Variants in NOSTRIN observed in about 807,000 individuals in gnomAD.
NOSTRIN encodes the protein BM247 homolog.
NOSTRIN carries 63 observed loss-of-function variants against 59.0 expected under a neutral mutation model. The ratio of observed to expected loss-of-function variants is 1.07; its 90% CI spans 0.87 to 1.32. The LOEUF is 1.32. Among genes scored for constraint, NOSTRIN ranks in the 40% most tolerant of loss-of-function variants. NOSTRIN has a pLI of 0.00. For missense variants in NOSTRIN, 512 were observed against 473.1 expected, an observed-to-expected ratio of 1.08 and a Z score of -0.76; for synonymous variants, 200 against 165.4, an observed-to-expected ratio of 1.21 and a Z score of -1.61.
intron 2 of NOSTRIN, among the ~76,000 whole-genome samples, chr2:168,792,512 C>T (rs1211557257): frequency 2.0e-5 from 3 of 152,010 alleles, no homozygotes; most frequent in East Asian, 1.9e-4. Context: ...TGCAGTGGTG[C>T]GATCTTGACT....
intron 10 of NOSTRIN, among the ~76,000 whole-genome samples, chr2:168,853,104 C>T (rs1342327093): frequency 6.6e-6 from 1 of 152,162 alleles, no homozygotes; most frequent in Non-Finnish European, 1.5e-5. Context: ...CATTTATTGG[C>T]ATGTTCAGGG....
chr2:168,789,030 TC>T (rs1685278323), intron 2 of NOSTRIN, among the ~76,000 whole-genome samples: 1 of 152,146 alleles, frequency 6.6e-6, no homozygotes, highest in Non-Finnish European at 1.5e-5. Flanking sequence ...GGTCTTGGTT[TC>T]TAAATCCATC....
chr2:168,856,561 C>CAA, intron 11 of NOSTRIN, 129 bp from the exon 12 acceptor site: 1 of 716,022 alleles, frequency 1.4e-6, no homozygotes, highest in South Asian at 1.8e-5. Context: ...GGTGACAGAG[C>CAA]AAGACTCCGT....
upstream of NOSTRIN, chr2:168,801,075 G>C (rs1421285757): frequency 6.6e-6 from 1 of 151,754 alleles, no homozygotes; most frequent in Non-Finnish European, 1.5e-5. Flanking sequence ...GAGTTGCTTT[G>C]TCTAATTCTA....
intron 15 of NOSTRIN, chr2:168,863,519 A>G (rs1334439824): frequency 1.0e-6 from 1 of 985,274 alleles, no homozygotes; most frequent in Non-Finnish European, 1.2e-6. Flanking sequence ...GACAAGAGCC[A>G]TGTTTCTTGT....
At chr2:168,789,487 C>A (rs1685290822) in intron 2 of NOSTRIN, among the ~76,000 whole-genome samples, 1 of 152,198 alleles carries the variant, frequency 6.6e-6, no homozygotes, top group Non-Finnish European at 1.5e-5. Context: ...GCACAAGAAG[C>A]ACCTGCCCCA....
chr2:168,835,189 C>G (rs1687646910), intron 7 of NOSTRIN, among the ~76,000 whole-genome samples: 1 of 152,142 alleles, frequency 6.6e-6, no homozygotes, highest in South Asian at 2.1e-4. Context: ...ATTATCCCAC[C>G]CCAGCCTCCC....
chr2:168,815,312 TAGC>T (rs768904070), intron 2 of NOSTRIN, among the ~76,000 whole-genome samples: 1 of 152,220 alleles, frequency 6.6e-6, no homozygotes, highest in Non-Finnish European at 1.5e-5. Context: ...CAGAGAAACA[TAGC>T]AGCTCCTAGA....
intron 2 of NOSTRIN, among the ~76,000 whole-genome samples, chr2:168,820,360 A>G (rs1212448540): frequency 6.6e-6 from 1 of 152,142 alleles, no homozygotes; most frequent in Non-Finnish European, 1.5e-5. Flanking sequence ...TATACCTATA[A>G]CACCCAGAAT....
intron 3 of NOSTRIN, among the ~76,000 whole-genome samples, chr2:168,826,869 C>G (rs1047424128): frequency 1.3e-5 from 2 of 152,160 alleles, no homozygotes; most frequent in Admixed American, 1.3e-4. Context: ...ATTTATCATG[C>G]CTGTTTGCAC....
rs546538793 is a variant in NOSTRIN, at chr2:168,861,351, T to TTCAG, written c.1294+446_1294+449dup. ...AAACTCCTGTTAGCAGCCATCTGAC[T>TTCAG]TCAGTCATTCATGCACCCACACACC... On this transcript the variant is annotated intron_variant, in intron 14 of 15. Transcript: ENST00000317647. Among the ~76,000 whole-genome samples the TTCAG allele has an allele frequency of 8.5e-5, 13 of 152,248 alleles. No individual in the cohort carries two copies. The South Asian group carries it at 2.7e-3, about 32-fold the overall frequency.
At chr2:168,811,117 A>T (rs1230241446) in intron 1 of NOSTRIN, among the ~76,000 whole-genome samples, 5 of 152,178 alleles carry the variant, frequency 3.3e-5, no homozygotes, top group Admixed American at 6.5e-5. Context: ...ACAGTTTCAT[A>T]TCTCAGACAA....
At chr2:168,816,141 A>G (rs1383568417) in intron 2 of NOSTRIN, among the ~76,000 whole-genome samples, 1 of 152,180 alleles carries the variant, frequency 6.6e-6, no homozygotes, top group Non-Finnish European at 1.5e-5. Context: ...GGAGGCAGAA[A>G]TCTAATCCAC....
chr2:168,798,878 A>C (rs1214152566), upstream of NOSTRIN, among the ~76,000 whole-genome samples: 3 of 152,200 alleles, frequency 2.0e-5, no homozygotes, highest in Non-Finnish European at 4.4e-5. Flanking sequence ...AAAATGGCTT[A>C]GAGCAGTCTG....
intron 2 of NOSTRIN, among the ~76,000 whole-genome samples, chr2:168,813,614 A>AT (rs1398817428): frequency 1.8e-4 from 27 of 152,170 alleles, no homozygotes; most frequent in Admixed American, 5.9e-4. Context: ...TTCTAGAGTG[A>AT]CAAACATATC....
At chr2:168,847,426 C>T (rs1156919893) in intron 8 of NOSTRIN, among the ~76,000 whole-genome samples, 1 of 152,130 alleles carries the variant, frequency 6.6e-6, no homozygotes, top group Non-Finnish European at 1.5e-5. Context: ...CAATCAGAGC[C>T]TCTGAATGAT....
chr2:168,831,726 T>A (rs1485869748), intron 6 of NOSTRIN, among the ~76,000 whole-genome samples, 192 bp downstream of exon 6: 3 of 152,244 alleles, frequency 2.0e-5, no homozygotes, highest in Non-Finnish European at 2.9e-5. Flanking sequence ...GCTCTAACTA[T>A]GATTATTTAG....
At chr2:168,818,328 C>T in intron 2 of NOSTRIN, 2 of 276,106 alleles carry the variant, frequency 7.2e-6, no homozygotes, top group South Asian at 3.4e-5. Flanking sequence ...TAATTTTAAA[C>T]AAATTTTTTG....
intron 2 of NOSTRIN, among the ~76,000 whole-genome samples, chr2:168,820,558 C>T (rs1202827036): frequency 6.6e-6 from 1 of 152,004 alleles, no homozygotes; most frequent in African/African-American, 2.4e-5. Context: ...GCTATAAACC[C>T]ACAAATCTGC....
Sources: allele counts gnomAD v4.1 joint callset (sites outside exome capture counted in the v4.1 genomes callset), GRCh38; gene constraint gnomAD v4.1.1; transcripts MANE v1.5; gene names NCBI Gene and HGNC (gene_info 2026-07-23, HGNC 2026-07-21).